Variants in ANKAR observed in about 807,000 individuals in gnomAD.
ANKAR encodes ankyrin and armadillo repeat-containing protein.
A neutral mutation model predicts 146.2 loss-of-function variants in ANKAR; 136 were observed. That is an observed-to-expected ratio of 0.93 (90% confidence interval 0.81 to 1.07). ANKAR has a LOEUF of 1.07. ANKAR is among the 50% of genes least tolerant of loss of function. The probability of loss-of-function intolerance (pLI) is 0.00; values close to 1 mark genes in which losing one functional copy is unlikely to be tolerated. For missense variants in ANKAR, 1,567 were observed against 1,679.9 expected, an observed-to-expected ratio of 0.93 and a Z score of 1.18; for synonymous variants, 500 against 575.8, an observed-to-expected ratio of 0.87 and a Z score of 1.88.
At chr2:189,713,399 A>T (rs114893426) in intron 10 of ANKAR, among the ~76,000 whole-genome samples, 1,584 of 152,358 alleles carry the variant, frequency 0.01, 36 homozygotes, top group African/African-American at 0.036. Context: ...AGGGAAGCTT[A>T]TCAGACTAAC....
At chr2:189,720,440 G>T (rs533497146) in intron 11 of ANKAR, among the ~76,000 whole-genome samples, 179 bp from the exon 12 acceptor site, 1 of 152,184 alleles carries the variant, frequency 6.6e-6, no homozygotes, top group Non-Finnish European at 1.5e-5. Flanking sequence ...TAGAGATGGG[G>T]TTTCACCATG....
intron 9 of ANKAR, among the ~76,000 whole-genome samples, chr2:189,708,268 A>G (rs2039234350): frequency 1.3e-5 from 2 of 152,214 alleles, no homozygotes; most frequent in Non-Finnish European, 2.9e-5. Context: ...ACAAAAAGAT[A>G]TTTTGAGAGA....
chr2:189,738,056 C>T (rs1157569443), intron 18 of ANKAR, among the ~76,000 whole-genome samples: 1 of 152,106 alleles, frequency 6.6e-6, no homozygotes, highest in African/African-American at 2.4e-5. Context: ...CTTGCTTATG[C>T]CTTTATACCT....
chr2:189,754,939 A>T, intron 18 of ANKAR: 2 of 505,122 alleles, frequency 4.0e-6, no homozygotes, highest in Non-Finnish European at 3.4e-6. Flanking sequence ...GTATCTGCAA[A>T]CTATTTCAGC....
chr2:189,720,686 A>G lies in ANKAR; in HGVS notation c.2534A>G (p.Asn845Ser), dbSNP rs756833891. 2.1e-6 allele frequency: 3 copies of G among 1,451,950 alleles called. No homozygotes were observed. In the South Asian group the frequency reaches 5.0e-5, roughly 24 times the overall value. 89.9% of individuals were successfully genotyped at this position (1,451,950 alleles called of 1,614,324 possible). A position where few individuals can be genotyped will look rare whatever the true frequency, so the allele number is the denominator to read the frequency against. ...NIENVLVNVM[N>S]CIRVLCIGNE... is the part of the protein sequence containing the mutation. ...GAAAATGTGCTAGTAAATGTAATGA[A>G]CTGTATACGGGTATTGTGTATAGGA... The change falls in exon 12 of 23, where the codon AAC (asparagine) becomes AGC (serine). Residue 845 changes from asparagine to serine, a missense_variant. Coordinates refer to ENST00000684021, the MANE Select transcript of ANKAR (RefSeq NM_001378068.1).
At chr2:189,726,272 T>C (rs1486989418) in intron 12 of ANKAR, among the ~76,000 whole-genome samples, 1 of 152,124 alleles carries the variant, frequency 6.6e-6, no homozygotes, top group Non-Finnish European at 1.5e-5. Context: ...CAATGAGGAA[T>C]AGATGGACAT....
At chr2:189,759,622 T>C (rs2046676379) in intron 18 of ANKAR, among the ~76,000 whole-genome samples, 1 of 152,214 alleles carries the variant, frequency 6.6e-6, no homozygotes, top group Non-Finnish European at 1.5e-5. Context: ...ACAGAGCCAA[T>C]ACCAAGTGCT....
chr2:189,743,319 T>C lies in ANKAR; in HGVS notation c.3855T>C (p.Asn1285=), dbSNP rs764356145. Residue 1285 remains asparagine (N), a synonymous_variant, in exon 21 of 23, where the codon AAT becomes AAC. Coordinates refer to ENST00000684021, the MANE Select transcript of ANKAR (RefSeq NM_001378068.1). ...CTGCTCTTGGCTACTTAACATACAA[T>C]GCAAATGCTTTCCGCATCCTATTAA... is the stretch of plus-strand genomic sequence containing the variant. The part of the protein sequence containing the change: ...CSSALGYLTY[N]ANAFRILLKE... 3.7e-6 allele frequency: 6 copies of C among 1,614,042 alleles called. No homozygotes were observed. Among genetic ancestry groups the C allele is most frequent in the Non-Finnish European group, 5.1e-6 (6 of 1,179,982 alleles).
At chr2:189,702,119 A>T (rs1161428327) in intron 7 of ANKAR, among the ~76,000 whole-genome samples, 2 of 152,264 alleles carry the variant, frequency 1.3e-5, no homozygotes, top group East Asian at 3.9e-4. Flanking sequence ...TAGGTAGGTT[A>T]GGTTCTGATA....
chr2:189,708,344 G>A (rs897274870), intron 9 of ANKAR, among the ~76,000 whole-genome samples: 2 of 152,198 alleles, frequency 1.3e-5, no homozygotes, highest in Admixed American at 1.3e-4. Flanking sequence ...ATTAGTTATT[G>A]TTAAGCTATT....
At position 189,738,587 on chromosome 2, in the gene ANKAR, T is replaced by C. The variant is rs2043058505; in HGVS notation, c.3605T>C (p.Ile1202Thr). The C allele has an allele frequency of 6.2e-7, 1 of 1,608,318 alleles. No individual in the cohort carries two copies. The highest frequency in any genetic ancestry group is 1.1e-5 in the South Asian group (1 of 90,216). Residue 1202 changes from isoleucine to threonine, a missense_variant, in exon 19 of 23, where the codon ATT becomes ACT. Transcript: ENST00000684021. The part of the protein sequence containing the change: ...AFQIVVLAKV[I>T]RDMDHITLSA... ...CAGATTGTTGTACTGGCTAAAGTCA[T>C]TAGAGATATGGACCATATTACTTTG...
rs1226444699 is a variant in ANKAR at position 189,737,951 on chromosome 2, T to G, written c.3582+110T>G. The G allele has an allele frequency of 3.7e-6, 4 of 1,092,766 alleles. No individual in the cohort carries two copies. In the East Asian group the frequency reaches 1.1e-4, roughly 30 times the overall value. The allele number at this position is 1,092,766 out of a possible 1,614,324, so 67.7% of individuals were successfully genotyped here. Reference sequence around the variant, plus strand: ...AAAACGTTTACTTATTTGTAAAAACTTAGTACTTTGCACATAAGCCCCTTC... The same window carrying G: ...AAAACGTTTACTTATTTGTAAAAACGTAGTACTTTGCACATAAGCCCCTTC... On this transcript the variant is annotated intron_variant, in intron 18 of 22. Transcript: ENST00000684021.
At chr2:189,761,409 T>C (rs527863444), downstream of ANKAR, 16 of 1,588,772 alleles carry the variant, frequency 1.0e-5, no homozygotes, top group African/African-American at 2.2e-4. Context: ...ACTAAGATAA[T>C]GTCTACTTAC....
At chr2:189,736,246 C>T (rs763662122) in intron 17 of ANKAR, among the ~76,000 whole-genome samples, 6 of 152,082 alleles carry the variant, frequency 3.9e-5, no homozygotes, top group Admixed American at 6.6e-5. Context: ...ACAGTGATAC[C>T]GCAGGAGTGA....
intron 21 of ANKAR, among the ~76,000 whole-genome samples, chr2:189,744,023 A>AT (rs1412648744): frequency 6.6e-6 from 1 of 152,214 alleles, no homozygotes; most frequent in African/African-American, 2.4e-5. Flanking sequence ...AATCTCTACT[A>AT]TGGGTATATT....
intron 12 of ANKAR, among the ~76,000 whole-genome samples, chr2:189,727,523 C>CA (rs777516459): frequency 0.57 from 34,137 of 59,414 alleles, 10,830 homozygotes; most frequent in South Asian, 0.74. Flanking sequence ...AACCTTGTCT[C>CA]AAAAAAAAAA....
intron 2 of ANKAR, among the ~76,000 whole-genome samples, chr2:189,679,963 C>A (rs2034394352): frequency 6.6e-6 from 1 of 152,148 alleles, no homozygotes; most frequent in Non-Finnish European, 1.5e-5. Context: ...ATACTGGCTT[C>A]ATAGAATAAT....
At chr2:189,718,033 C>A (rs564342930) in intron 10 of ANKAR, among the ~76,000 whole-genome samples, 16 of 152,138 alleles carry the variant, frequency 1.1e-4, no homozygotes, top group Non-Finnish European at 2.4e-4. Flanking sequence ...ACATGTATAC[C>A]TATGTAACAA....
At chr2:189,742,569 T>G (rs1238311757) in intron 20 of ANKAR, among the ~76,000 whole-genome samples, 3 of 151,984 alleles carry the variant, frequency 2.0e-5, no homozygotes. Flanking sequence ...TTTAAAGTAA[T>G]AAATAAATAA....
Sources: allele counts gnomAD v4.1 joint callset (sites outside exome capture counted in the v4.1 genomes callset), GRCh38; gene constraint gnomAD v4.1.1; transcripts MANE v1.5; gene names NCBI Gene and HGNC (gene_info 2026-07-23, HGNC 2026-07-21).